The following HTR7 variants were observed in gnomAD, a reference collection of about 807,000 sequenced individuals.
HTR7 encodes the protein 5-hydroxytryptamine receptor 7, also known as 5-HT-7.
Under a neutral mutation model 34.0 loss-of-function variants are expected in HTR7, and 16 were observed. The observed-to-expected ratio is 0.47, with a 90% CI of 0.32 to 0.71. HTR7 has a LOEUF of 0.71. Among genes scored for constraint, HTR7 ranks in the 30% least tolerant of loss-of-function variants. HTR7 has a pLI of 0.04. For missense variants in HTR7, 504 were observed against 625.5 expected (o/e 0.81, Z 2.07); for synonymous variants, 265 against 260.2 (o/e 1.02, Z -0.18).
intron 1 of HTR7, among the ~76,000 whole-genome samples, chr10:90,799,832 C>G (rs1281307846): frequency 6.6e-6 from 1 of 151,952 alleles, no homozygotes. Context: ...GTGCTTTGCC[C>G]CACCACACTA....
At chr10:90,751,311 A>AGAGGGAAAAGGGAAGAGG (rs1844729411) in intron 1 of HTR7, among the ~76,000 whole-genome samples, 1 of 152,140 alleles carries the variant, frequency 6.6e-6, no homozygotes, top group Non-Finnish European at 1.5e-5. Flanking sequence ...GGAGTAAGGA[A>AGAGGGAAAAGGGAAGAGG]GAGGGAAAAG....
chr10:90,741,598 T>C lies in HTR7; in HGVS notation c.*884A>G, dbSNP rs1490762136. On this transcript the variant is annotated 3_prime_UTR_variant, in exon 4 of 4. Coordinates refer to ENST00000336152, the MANE Select transcript of HTR7 (RefSeq NM_019859.4). ...ATCACATTTCATGGAAAACCCATCA[T>C]TCCCACACTTCTTCCACATAACATA... The C allele has an allele frequency of 2.6e-5, 4 of 152,322 alleles. No individual in the cohort carries two copies. The East Asian group carries it at 7.7e-4, about 29-fold the overall frequency. The allele number at this position is 152,322 out of a possible 1,614,324, so 9.4% of individuals were successfully genotyped here. A position where few individuals can be genotyped will look rare whatever the true frequency, so the allele number is the denominator to read the frequency against.
At chr10:90,770,685 G>A (rs1048238335) in intron 1 of HTR7, among the ~76,000 whole-genome samples, 2 of 152,332 alleles carry the variant, frequency 1.3e-5, no homozygotes, top group African/African-American at 4.8e-5. Context: ...CTAGACATTG[G>A]GCACCAACAA....
chr10:90,746,257 GTTA>G (rs1263777573), intron 2 of HTR7, among the ~76,000 whole-genome samples: 2 of 152,150 alleles, frequency 1.3e-5, no homozygotes, highest in Admixed American at 1.3e-4. Flanking sequence ...GCAAACGCAT[GTTA>G]TTATTTTAAA....
Position 90,749,844 on chromosome 10 carries a change from A to C in HTR7, c.540-250T>G, listed in dbSNP as rs1349887876. On this transcript the variant is annotated intron_variant, in intron 1 of 3. Transcript: ENST00000336152. The surrounding 1 kb of genome is among the most constrained non-coding windows in gnomAD (Gnocchi z 4.2). ...TCTAAAGTCAGTCCATGCTTTGTGC[A>C]TGCCTTATAGTTTTTCACAATCCAC... 2.0e-5 allele frequency among the ~76,000 whole-genome samples: 3 copies of C among 152,182 alleles called. No homozygotes were observed. The highest frequency in any genetic ancestry group is 4.4e-5 in the Non-Finnish European group (3 of 68,038).
intron 1 of HTR7, among the ~76,000 whole-genome samples, chr10:90,762,335 G>T (rs771746997): frequency 3.3e-5 from 5 of 152,204 alleles, no homozygotes; most frequent in Non-Finnish European, 7.3e-5. Context: ...ATCCCAAAAA[G>T]TGTGAGGTGA....
At chr10:90,791,210 CAAG>C (rs1202936001) in intron 1 of HTR7, among the ~76,000 whole-genome samples, 2 of 151,570 alleles carry the variant, frequency 1.3e-5, no homozygotes, top group Non-Finnish European at 2.9e-5. Context: ...TACCTGAACA[CAAG>C]AAGGTTTACA....
At chr10:90,835,561 G>A (rs1846241483) in intron 1 of HTR7, among the ~76,000 whole-genome samples, 1 of 152,152 alleles carries the variant, frequency 6.6e-6, no homozygotes, top group African/African-American at 2.4e-5. Flanking sequence ...ACTATTGCTT[G>A]TTTTCTTGTT....
intron 1 of HTR7, among the ~76,000 whole-genome samples, chr10:90,818,497 G>C (rs1044764005): frequency 1.3e-5 from 2 of 152,192 alleles, no homozygotes; most frequent in African/African-American, 4.8e-5. Flanking sequence ...AGTGAGCCGA[G>C]ATCGCACCAT....
At chr10:90,801,644 C>T (rs1363181414) in intron 1 of HTR7, among the ~76,000 whole-genome samples, 1 of 152,234 alleles carries the variant, frequency 6.6e-6, no homozygotes, top group African/African-American at 2.4e-5. Flanking sequence ...AAGGGGAAAG[C>T]TCCTCCTTGG....
At chr10:90,844,922 G>A (rs1323386235) in intron 1 of HTR7, among the ~76,000 whole-genome samples, 1 of 151,922 alleles carries the variant, frequency 6.6e-6, no homozygotes, top group Non-Finnish European at 1.5e-5. Context: ...TTGCCCAGGT[G>A]ATTCTAACAT....
intron 1 of HTR7, among the ~76,000 whole-genome samples, chr10:90,795,422 G>A (rs757016055): frequency 5.3e-5 from 8 of 152,162 alleles, no homozygotes; most frequent in Non-Finnish European, 1.2e-4. Flanking sequence ...TCTAAGGAGA[G>A]TAATGACAGA....
intron 1 of HTR7, among the ~76,000 whole-genome samples, chr10:90,771,934 G>GA (rs1198396434): frequency 1.3e-5 from 2 of 150,786 alleles, no homozygotes; most frequent in African/African-American, 2.4e-5. Context: ...GAAATAGAGG[G>GA]AAAAAAAAGT....
intron 1 of HTR7, among the ~76,000 whole-genome samples, chr10:90,853,984 T>G (rs1332929042): frequency 6.6e-6 from 1 of 152,092 alleles, no homozygotes; most frequent in African/African-American, 2.4e-5. Context: ...GAGCCGTGGC[T>G]GGAGGAAGAA....
At chr10:90,815,741 A>T (rs78810704) in intron 1 of HTR7, among the ~76,000 whole-genome samples, 4,855 of 152,324 alleles carry the variant, frequency 0.032, 227 homozygotes, top group African/African-American at 0.1. Flanking sequence ...GAAGAAAAAA[A>T]AAATGGACAT....
In HTR7 at chr10:90,749,075, G is replaced by C. The variant is rs1258142871; in HGVS notation, c.1059C>G (p.Ile353Met). 6.2e-7 allele frequency: 1 copy of C among 1,614,136 alleles called. No individual in the cohort carries two copies. The highest frequency in any genetic ancestry group is 8.5e-7 in the Non-Finnish European group (1 of 1,180,000). Residue 353 changes from isoleucine to methionine, a missense_variant, in exon 2 of 4, where the codon ATC (isoleucine) becomes ATG (methionine). Ile to Met is a conservative substitution (Grantham distance 10). This residue lies in a region of HTR7 where 154 missense variants were observed against 212.1 expected (regional missense o/e 0.73). Transcript: ENST00000336152. The surrounding 1 kb of genome is among the most constrained non-coding windows in gnomAD (Gnocchi z 4.2). ...FFLLSTARPF[I>M]CGTSCSCIPL... ...GGATGCAGCTGCAGGAAGTGCCACAGATGAAGGGTCTGGCTGTCGAGAGGA... is the reference window on the plus strand; with the variant it reads ...GGATGCAGCTGCAGGAAGTGCCACACATGAAGGGTCTGGCTGTCGAGAGGA...
intron 1 of HTR7, among the ~76,000 whole-genome samples, chr10:90,826,267 C>G (rs1589469319): frequency 6.6e-6 from 1 of 151,986 alleles, no homozygotes. Flanking sequence ...ATCCTTCAAA[C>G]ATGAAGGAGA....
At chr10:90,764,910 T>C (rs1445174805) in intron 1 of HTR7, among the ~76,000 whole-genome samples, 1 of 152,124 alleles carries the variant, frequency 6.6e-6, no homozygotes, top group African/African-American at 2.4e-5. Context: ...TTTGCATATA[T>C]TGGACCATCT....
intron 1 of HTR7, among the ~76,000 whole-genome samples, chr10:90,802,423 G>T (rs1450983577): frequency 1.3e-5 from 2 of 152,162 alleles, no homozygotes; most frequent in African/African-American, 2.4e-5. Context: ...GAATTTTGGA[G>T]GATCACGGGG....
Sources: gnomAD v4.1 joint callset for allele counts (sites outside exome capture counted in the v4.1 genomes callset) on GRCh38, gnomAD v4.1.1 for gene constraint, gnomAD v4.1.1 regional missense constraint, Gnocchi (gnomAD v3.1) non-coding constraint, MANE v1.5 for transcripts, NCBI Gene and HGNC (gene_info 2026-07-23, HGNC 2026-07-21) for gene names.